The following DMTF1 variants were observed in gnomAD, a reference collection of about 807,000 sequenced individuals.
DMTF1 encodes the protein cyclin-D-binding Myb-like transcription factor 1.
DMTF1 carries 39 observed loss-of-function variants against 91.1 expected under a neutral mutation model. That is an observed-to-expected ratio of 0.43 (90% CI 0.33 to 0.56). The LOEUF (loss-of-function observed/expected upper bound fraction) is 0.56. Among genes scored for constraint, DMTF1 ranks in the 20% least tolerant of loss-of-function variants. DMTF1 has a pLI of 0.05. For missense variants in DMTF1, 750 were observed against 914.5 expected, an observed-to-expected ratio of 0.82 and a Z score of 2.32; for synonymous variants, 338 against 309.5, an observed-to-expected ratio of 1.09 and a Z score of -0.97.
intron 11 of DMTF1, chr7:87,185,147 T>G (rs1798139505): frequency 4.6e-6 from 1 of 219,682 alleles, no homozygotes; most frequent in Non-Finnish European, 9.3e-6. Flanking sequence ...CCCAGCTTAT[T>G]TTTTTAAGTA....
intron 13 of DMTF1, among the ~76,000 whole-genome samples, chr7:87,188,891 C>T (rs1161028991): frequency 6.6e-6 from 1 of 152,050 alleles, no homozygotes; most frequent in African/African-American, 2.4e-5. Context: ...TGATCTTTAT[C>T]CCTTCCCGTC....
rs150217739 is a variant in DMTF1, at chr7:87,162,494, C to T, written c.-131-1001C>T. On this transcript the variant is annotated intron_variant, in intron 1 of 17. Coordinates refer to ENST00000331242, the MANE Select transcript of DMTF1 (RefSeq NM_001142327.2). ...ACTATAATCACAGACACACATACAC[C>T]GGGAGATGAGATTAGAAGGAACTAC... Among the ~76,000 whole-genome samples, 230 of 152,224 alleles carry T rather than the reference C, an allele frequency of 1.5e-3. 2 individuals carry two copies. Among genetic ancestry groups the T allele is most frequent in the African/African-American group, 5.0e-3 (208 of 41,538 alleles).
chr7:87,158,646 A>G (rs1791420173), intron 1 of DMTF1, among the ~76,000 whole-genome samples: 1 of 152,100 alleles, frequency 6.6e-6, no homozygotes, highest in Admixed American at 6.5e-5. Flanking sequence ...GTTGAAACGT[A>G]CCACCTATCT....
At chr7:87,168,089 G>A (rs550165978) in intron 4 of DMTF1, among the ~76,000 whole-genome samples, 1 of 152,282 alleles carries the variant, frequency 6.6e-6, no homozygotes, top group African/African-American at 2.4e-5. Context: ...TTGGGTCATA[G>A]CATCATCACA....
chr7:87,194,788 T>TA lies in DMTF1; in HGVS notation c.2134dup (p.Ile712AsnfsTer4). On this transcript the variant is annotated frameshift_variant, in exon 17 of 18. Transcript: ENST00000331242. LOFTEE classifies it high-confidence loss of function. ...ATGGCTTTATCCAGGCATCTGATGTTATAGATACTGAATCTGTCTTGCCTT... is the reference window on the plus strand; with the variant it reads ...ATGGCTTTATCCAGGCATCTGATGTTAATAGATACTGAATCTGTCTTGCCTT... The TA allele has an allele frequency of 6.2e-7, 1 of 1,612,250 alleles. No homozygotes were observed. The highest frequency in any genetic ancestry group is 8.5e-7 in the Non-Finnish European group (1 of 1,178,896).
intron 1 of DMTF1, among the ~76,000 whole-genome samples, chr7:87,153,215 C>T (rs1009711933): frequency 6.6e-6 from 1 of 151,986 alleles, no homozygotes; most frequent in South Asian, 2.1e-4. Context: ...CTGGCCGAAC[C>T]GTCTCTCTCA....
In DMTF1 at chr7:87,191,343, A is replaced by G. The variant is rs76999965; in HGVS notation, c.1494+316A>G. The stretch of plus-strand genomic sequence containing the variant: ...TGGACAAACTAATCATGAGCAATTT[A>G]ACAACATTCATTCAGTAAACACTGT... On this transcript the variant is annotated intron_variant, in intron 14 of 17. Coordinates refer to ENST00000331242, the MANE Select transcript of DMTF1 (RefSeq NM_001142327.2). Among the ~76,000 whole-genome samples, 1,062 of 152,230 alleles carry G rather than the reference A, an allele frequency of 7.0e-3. 13 individuals are homozygous for G. Among genetic ancestry groups the G allele is most frequent in the African/African-American group, 0.024 (1,016 of 41,550 alleles).
chr7:87,194,268 C>CA, intron 16 of DMTF1, 166 bp downstream of exon 16: 1 of 700,432 alleles, frequency 1.4e-6, no homozygotes, highest in Non-Finnish European at 2.3e-6. Flanking sequence ...GATCCTGTGG[C>CA]AGTCAGGAAG....
intron 1 of DMTF1, among the ~76,000 whole-genome samples, chr7:87,155,009 A>AAT (rs1489294633): frequency 6.6e-6 from 1 of 152,198 alleles, no homozygotes; most frequent in Non-Finnish European, 1.5e-5. Flanking sequence ...TGTCCTGAAA[A>AAT]TAACATCTCA....
At position 87,194,881 on chromosome 7, in the gene DMTF1, A is replaced by C. The variant is rs73208511; in HGVS notation, c.2173+53A>C. The C allele has an allele frequency of 3.9e-6, 6 of 1,546,470 alleles. No individual in the cohort carries two copies. The Admixed American group carries it at 9.2e-5, about 24-fold the overall frequency. ...CCTGATAAATTTTAGATGGAAAAAAACAGACATTTAATTAACTTGTTTCAG... is the reference window on the plus strand; with the variant it reads ...CCTGATAAATTTTAGATGGAAAAAACCAGACATTTAATTAACTTGTTTCAG... On this transcript the variant is annotated intron_variant, in intron 17 of 17. Coordinates refer to ENST00000331242, the MANE Select transcript of DMTF1 (RefSeq NM_001142327.2).
intron 4 of DMTF1, among the ~76,000 whole-genome samples, chr7:87,168,482 C>G (rs1436914344): frequency 2.6e-5 from 4 of 152,154 alleles, no homozygotes; most frequent in Admixed American, 6.6e-5. Flanking sequence ...AGTCTTTTGC[C>G]TCACTGGGCC....
In DMTF1 at chr7:87,184,527, A is replaced by T; in HGVS notation, c.951A>T (p.Ser317=). ...AAVAERVGTR[S]EKQCRSKWLN... ...TGGCTGAACGAGTCGGTACCCGCTC[A>T]GAAAAGCAATGTCGTTCTAAATGGC... Residue 317 remains serine, a synonymous_variant, in exon 11 of 18, where the codon TCA becomes TCT. Transcript: ENST00000331242. The T allele has an allele frequency of 6.2e-7, 1 of 1,614,074 alleles. No homozygotes were observed. Among genetic ancestry groups the T allele is most frequent in the Non-Finnish European group, 8.5e-7 (1 of 1,179,964 alleles).
At chr7:87,188,363 G>C (rs1445107351) in intron 13 of DMTF1, 62 bp downstream of exon 13, 2 of 1,550,288 alleles carry the variant, frequency 1.3e-6, no homozygotes, top group Non-Finnish European at 1.8e-6. Flanking sequence ...TAATGGCTCT[G>C]ATGTCTTTTG....
In DMTF1 at chr7:87,154,675, C is replaced by G. The variant is rs1267997003; in HGVS notation, c.-132+2120C>G. On this transcript the variant is annotated intron_variant, in intron 1 of 17. Transcript: ENST00000331242. ...AGAAATCAAAGTTTGGGCGTTATGA[C>G]TTGAGCTTTGAAAACAGCATGGTTG... The G allele has an allele frequency of 2.6e-5, 4 of 152,440 alleles. No individual in the cohort carries two copies. The East Asian group carries it at 5.8e-4, about 22-fold the overall frequency. The allele number at this position is 152,440 out of a possible 1,614,324, so 9.4% of individuals were successfully genotyped here.
chr7:87,157,602 C>T (rs944255874), intron 1 of DMTF1, among the ~76,000 whole-genome samples: 1 of 152,100 alleles, frequency 6.6e-6, no homozygotes, highest in Non-Finnish European at 1.5e-5. Flanking sequence ...TAAGATAACC[C>T]ATTGGATAAG....
intron 4 of DMTF1, among the ~76,000 whole-genome samples, chr7:87,170,177 G>C (rs1225660973): frequency 6.6e-6 from 1 of 151,764 alleles, no homozygotes; most frequent in Non-Finnish European, 1.5e-5. Context: ...TCTCTTCTTT[G>C]TCTACAAATC....
At chr7:87,179,188 A>G (rs939751009) in intron 7 of DMTF1, among the ~76,000 whole-genome samples, 1 of 151,918 alleles carries the variant, frequency 6.6e-6, no homozygotes, top group Non-Finnish European at 1.5e-5. Context: ...CAAAGAACCA[A>G]TTTCTAGATT....
chr7:87,194,593 G>A (rs1584492972), intron 16 of DMTF1, 91 bp from the exon 17 acceptor site: 1 of 894,882 alleles, frequency 1.1e-6, no homozygotes, highest in East Asian at 2.6e-5. Context: ...AATGGGTTAT[G>A]TTTAAGTCTA....
chr7:87,175,463 T>G (rs1306775366), intron 7 of DMTF1, among the ~76,000 whole-genome samples: 1 of 152,200 alleles, frequency 6.6e-6, no homozygotes. Flanking sequence ...GAACACAGTA[T>G]TTTTAAGGCT....
Sources: gnomAD v4.1 joint callset for allele counts (sites outside exome capture counted in the v4.1 genomes callset) on GRCh38, gnomAD v4.1.1 for gene constraint, MANE v1.5 for transcripts, NCBI Gene and HGNC (gene_info 2026-07-23, HGNC 2026-07-21) for gene names.